Variants in UGT3A1 observed in about 807,000 individuals in gnomAD.
UGT3A1 encodes UDP-glycosyltransferase 3A1.
UGT3A1 carries 40 observed loss-of-function variants against 37.6 expected under a neutral mutation model. That is an observed-to-expected ratio of 1.06 (90% CI 0.83 to 1.38). The LOEUF (loss-of-function observed/expected upper bound fraction) is 1.38. Among genes scored for constraint, UGT3A1 ranks in the 40% most tolerant of loss-of-function variants. The pLI, the probability that UGT3A1 is intolerant of heterozygous loss-of-function variation, is 0.00. For synonymous variants in UGT3A1, 256 were observed against 232.3 expected, an observed-to-expected ratio of 1.10 and a Z score of -0.93; for missense variants, 642 against 634.2, an observed-to-expected ratio of 1.01 and a Z score of -0.13.
chr5:35,971,737 A>G lies in UGT3A1; in HGVS notation c.197-3604T>C, dbSNP rs150569114. Among the ~76,000 whole-genome samples, 335 of 152,170 alleles carry G rather than the reference A, an allele frequency of 2.2e-3. 9 individuals are homozygous for G. The highest frequency in any genetic ancestry group is 0.02 in the Admixed American group (302 of 15,296). The stretch of plus-strand genomic sequence containing the variant: ...TGCTCCAACCCCAGCTCTCAGCCAG[A>G]GAGGTATTTTTCTGGGAGGGGCAAA... On this transcript the variant is annotated intron_variant, in intron 2 of 6. Transcript: ENST00000274278.
At position 35,952,464 on chromosome 5, in the gene UGT3A1, T is replaced by C. The variant is rs1248196028; in HGVS notation, c.*1738A>G. 1.3e-5 allele frequency: 2 copies of C among 152,210 alleles called. No individual in the cohort carries two copies. The highest frequency in any genetic ancestry group is 4.8e-5 in the African/African-American group (2 of 41,444). 9.4% of individuals were successfully genotyped at this position (152,210 alleles called of 1,614,324 possible). ...GGACAGAGCAAGATTAGAAGCATCA[T>C]TCTGGCTCATTGGCTGCTTATGATC... On this transcript the variant is annotated 3_prime_UTR_variant, in exon 7 of 7. Coordinates refer to ENST00000274278, the MANE Select transcript of UGT3A1 (RefSeq NM_152404.4).
In UGT3A1 at chr5:35,952,900, T is replaced by C. The variant is rs529052504; in HGVS notation, c.*1302A>G. 6 of 152,306 alleles carry C rather than the reference T, an allele frequency of 3.9e-5. No individual in the cohort carries two copies. The highest frequency in any genetic ancestry group is 9.6e-5 in the African/African-American group (4 of 41,570). The allele number at this position is 152,306 out of a possible 1,614,324, so 9.4% of individuals were successfully genotyped here. A position where few individuals can be genotyped will look rare whatever the true frequency, so the allele number is the denominator to read the frequency against. ...CTCGCAAGCAAATCCTTTCATGGAA[T>C]TGGCAAAGTTTTTGGTGGGGGGCAT... On this transcript the variant is annotated 3_prime_UTR_variant, in exon 7 of 7. Coordinates refer to ENST00000274278, the MANE Select transcript of UGT3A1 (RefSeq NM_152404.4).
upstream of UGT3A1, chr5:35,991,400 C>G: frequency 1.4e-6 from 2 of 1,460,284 alleles, no homozygotes; most frequent in Non-Finnish European, 1.8e-6. Context: ...TGTTCGTTCT[C>G]TTTCCCGCTG....
intron 4 of UGT3A1, among the ~76,000 whole-genome samples, chr5:35,958,214 T>G (rs1739435230): frequency 6.6e-6 from 1 of 152,368 alleles, no homozygotes; most frequent in Non-Finnish European, 1.5e-5. Context: ...TGACATATAG[T>G]CTATTTTGTC....
chr5:35,987,143 A>C lies in UGT3A1; in HGVS notation c.196+1307T>G, dbSNP rs573677599. On this transcript the variant is annotated intron_variant, in intron 2 of 6. Coordinates refer to ENST00000274278, the MANE Select transcript of UGT3A1 (RefSeq NM_152404.4). ...AAGTCATTTATTTATTAAAGTTTTA[A>C]ATAAGGAAGTGATGGAAACATGTAG... Among the ~76,000 whole-genome samples, 9 of 152,250 alleles carry C rather than the reference A, an allele frequency of 5.9e-5. No individual in the cohort carries two copies. In the East Asian group the frequency reaches 1.5e-3, roughly 26 times the overall value.
chr5:35,994,881 T>C (rs796897752), upstream of UGT3A1, among the ~76,000 whole-genome samples: 2 of 152,286 alleles, frequency 1.3e-5, no homozygotes, highest in African/African-American at 4.8e-5. Context: ...CAAATAGTCA[T>C]GCAAATATTT....
Position 35,957,172 on chromosome 5 carries a change from C to T in UGT3A1, c.1075+16G>A, listed in dbSNP as rs1482414412. On this transcript the variant is annotated intron_variant, in intron 5 of 6. Coordinates refer to ENST00000274278, the MANE Select transcript of UGT3A1 (RefSeq NM_152404.4). ...AGGTCAATGGAAAGAGAAGAGCAGACCTAAGCAGTCCTTACCCAGGAGGTC... is the reference window on the plus strand; with the variant it reads ...AGGTCAATGGAAAGAGAAGAGCAGATCTAAGCAGTCCTTACCCAGGAGGTC... The T allele has an allele frequency of 5.6e-6, 9 of 1,609,758 alleles. No homozygotes were observed. The highest frequency in any genetic ancestry group is 2.7e-5 in the African/African-American group (2 of 74,832).
chr5:35,988,210 C>T (rs1740798916), intron 2 of UGT3A1, among the ~76,000 whole-genome samples: 1 of 151,896 alleles, frequency 6.6e-6, no homozygotes, highest in South Asian at 2.1e-4. Context: ...GGAGAGTTGT[C>T]TAGAATAGAA....
At chr5:35,972,075 T>G (rs977210576) in intron 2 of UGT3A1, among the ~76,000 whole-genome samples, 4 of 146,472 alleles carry the variant, frequency 2.7e-5, no homozygotes, top group African/African-American at 1.0e-4. Context: ...TCCAGAGCTG[T>G]CGTTCAAAGA....
intron 1 of UGT3A1, among the ~76,000 whole-genome samples, chr5:35,989,252 A>G (rs751136920): frequency 2.6e-5 from 4 of 152,220 alleles, no homozygotes; most frequent in Non-Finnish European, 5.9e-5. Flanking sequence ...AAACTAAAGA[A>G]TCACTGATTC....
chr5:35,984,702 A>C (rs1740661656), intron 2 of UGT3A1, among the ~76,000 whole-genome samples: 1 of 151,962 alleles, frequency 6.6e-6, no homozygotes, highest in Non-Finnish European at 1.5e-5. Context: ...CAAACTCCTG[A>C]CCTCAGGTGA....
intron 2 of UGT3A1, among the ~76,000 whole-genome samples, chr5:35,977,520 TA>T (rs1443484869): frequency 6.6e-6 from 1 of 152,084 alleles, no homozygotes; most frequent in Non-Finnish European, 1.5e-5. Flanking sequence ...GCTGGTTATT[TA>T]AAAGAGCTTA....
chr5:35,957,145 G>A, intron 5 of UGT3A1, 43 bp downstream of exon 5: 6 of 1,552,952 alleles, frequency 3.9e-6, no homozygotes, highest in Non-Finnish European at 5.3e-6. Context: ...AGCACCAAAG[G>A]CAGGTCAATG....
intron 2 of UGT3A1, among the ~76,000 whole-genome samples, chr5:35,986,101 C>G (rs532697831): frequency 6.6e-6 from 1 of 152,238 alleles, no homozygotes; most frequent in Admixed American, 6.5e-5. Context: ...CATTATTTAT[C>G]CTCAGAAAAA....
rs1330373421 is a variant in UGT3A1, at chr5:35,953,063, CTG to C, written c.*1137_*1138del. ...CCTCTCCATATGCCTGTTTTCTACT[CTG>C]TGTTTTTAACTCATCAGACACCATG... is the stretch of plus-strand genomic sequence containing the variant. On this transcript the variant is annotated 3_prime_UTR_variant, in exon 7 of 7. Transcript: ENST00000274278. 3 of 152,312 alleles carry C rather than the reference CTG, an allele frequency of 2.0e-5. No individual in the cohort carries two copies. The highest frequency in any genetic ancestry group is 7.2e-5 in the African/African-American group (3 of 41,430). The allele number at this position is 152,312 out of a possible 1,614,324, so 9.4% of individuals were successfully genotyped here.
rs761295448 is a variant in UGT3A1 at position 35,957,184 on chromosome 5, T to C, written c.1075+4A>G. On this transcript the variant is annotated splice_donor_region_variant and intron_variant, in intron 5 of 6. Transcript: ENST00000274278. Reference sequence around the variant, plus strand: ...AGAGAAGAGCAGACCTAAGCAGTCCTTACCCAGGAGGTCACTCTGAGGAAG... The same window carrying C: ...AGAGAAGAGCAGACCTAAGCAGTCCCTACCCAGGAGGTCACTCTGAGGAAG... The C allele has an allele frequency of 1.1e-5, 17 of 1,613,456 alleles. No individual in the cohort carries two copies. In the African/African-American group the frequency reaches 1.7e-4, roughly 16 times the overall value.
chr5:35,980,590 C>T (rs898352047), intron 2 of UGT3A1, among the ~76,000 whole-genome samples: 2 of 152,196 alleles, frequency 1.3e-5, no homozygotes, highest in South Asian at 2.1e-4. Flanking sequence ...AATACCCAGA[C>T]ATCATACAAG....
Position 35,954,421 on chromosome 5 carries a change from G to T in UGT3A1, c.1353C>A (p.Pro451=). 6.2e-7 allele frequency: 1 copy of T among 1,614,220 alleles called. No individual in the cohort carries two copies. The highest frequency in any genetic ancestry group is 8.5e-7 in the Non-Finnish European group (1 of 1,180,040). ...SVILHSQPLS[P]AQRLVGWIDH... is the part of the protein sequence containing the mutation. ...CGATCCAGCCCACCAGCCGCTGTGC[G>T]GGGCTCAGGGGCTGAGAGTGCAGGA... The change falls in exon 7 of 7, where the codon CCC becomes CCA. Residue 451 remains proline, a synonymous_variant. Coordinates refer to ENST00000274278, the MANE Select transcript of UGT3A1 (RefSeq NM_152404.4).
chr5:35,984,472 A>ATT (rs35556767), intron 2 of UGT3A1, among the ~76,000 whole-genome samples: 37,193 of 135,702 alleles, frequency 0.27, 4,854 homozygotes, highest in South Asian at 0.39. Flanking sequence ...ATCTCACAGA[A>ATT]TTTTTTTTTT....
Sources: gnomAD v4.1 joint callset for allele counts (sites outside exome capture counted in the v4.1 genomes callset) on GRCh38, gnomAD v4.1.1 for gene constraint, MANE v1.5 for transcripts, NCBI Gene and HGNC (gene_info 2026-07-23, HGNC 2026-07-21) for gene names.